Variants in LTBP1 observed in about 807,000 individuals in gnomAD.
LTBP1 encodes latent transforming growth factor beta binding protein 1, also known as latent-transforming growth factor beta-binding protein 1.
Under a neutral mutation model 207.6 loss-of-function variants are expected in LTBP1, and 129 were observed. That is an observed-to-expected ratio of 0.62 (90% CI 0.54 to 0.72). The LOEUF (loss-of-function observed/expected upper bound fraction) is 0.72, where lower values mean the gene tolerates loss of function less well. Ranked by LOEUF, LTBP1 falls within the 30% of genes least tolerant of loss-of-function variation. LTBP1 has a pLI of 0.00. For missense variants in LTBP1, 2,281 were observed against 2,217.2 expected, an observed-to-expected ratio of 1.03 and a Z score of -0.58; for synonymous variants, 963 against 833.7, an observed-to-expected ratio of 1.16 and a Z score of -2.67.
chr2:33,260,800 T>C (rs945813469), intron 13 of LTBP1, among the ~76,000 whole-genome samples: 1 of 152,210 alleles, frequency 6.6e-6, no homozygotes, highest in African/African-American at 2.4e-5. Flanking sequence ...ATTATTTAGC[T>C]TGTAGGTGGG....
chr2:33,225,160 T>C (rs1387577987), intron 9 of LTBP1, among the ~76,000 whole-genome samples: 1 of 152,164 alleles, frequency 6.6e-6, no homozygotes, highest in Non-Finnish European at 1.5e-5. Context: ...TTGTACATAT[T>C]TATGGGGTAT....
Position 33,088,357 on chromosome 2 carries a change from C to G in LTBP1, c.864-22225C>G, listed in dbSNP as rs559496892. On this transcript the variant is annotated intron_variant, in intron 3 of 33. Transcript: ENST00000404816. The stretch of plus-strand genomic sequence containing the variant: ...ATCCCAGCTACTCTGGAGGCTGAGG[C>G]AGGAGAATCACTTGAACCCGGGAGG... Among the ~76,000 whole-genome samples the G allele has an allele frequency of 2.6e-5, 4 of 152,150 alleles. No individual in the cohort carries two copies. The East Asian group carries it at 7.7e-4, about 29-fold the overall frequency.
In LTBP1 at chr2:33,131,738, T is replaced by C. The variant is rs189356709; in HGVS notation, c.1034-3055T>C. ...TTTTATTTTTATATGAAATAAAATATAGCTTCTGCTTCCAAGAAGATGTGA... is the reference window on the plus strand; with the variant it reads ...TTTTATTTTTATATGAAATAAAATACAGCTTCTGCTTCCAAGAAGATGTGA... On this transcript the variant is annotated intron_variant, in intron 4 of 33. Transcript: ENST00000404816. 3.5e-3 allele frequency among the ~76,000 whole-genome samples: 526 copies of C among 152,362 alleles called. 3 individuals carry two copies. The highest frequency in any genetic ancestry group is 0.012 in the African/African-American group (491 of 41,590).
chr2:33,068,187 A>T lies in LTBP1; in HGVS notation c.864-42395A>T, dbSNP rs578214178. On this transcript the variant is annotated intron_variant, in intron 3 of 33. Coordinates refer to ENST00000404816, the MANE Select transcript of LTBP1 (RefSeq NM_206943.4). ...TGTGGGGTGGGGGGAGGGTGTAAAC[A>T]TATGTTTTTATTTCTCTTGAATAAA... 5.1e-4 allele frequency among the ~76,000 whole-genome samples: 76 copies of T among 150,344 alleles called. 1 individual carries two copies. Among genetic ancestry groups the T allele is most frequent in the Admixed American group, 1.4e-3 (21 of 15,130 alleles).
intron 2 of LTBP1, among the ~76,000 whole-genome samples, chr2:32,977,839 A>G (rs930714753): frequency 2.6e-5 from 4 of 152,118 alleles, no homozygotes; most frequent in Non-Finnish European, 5.9e-5. Context: ...GAGTAGTTTC[A>G]TGGATGATCA....
At chr2:32,988,857 C>T (rs1683988989) in intron 2 of LTBP1, among the ~76,000 whole-genome samples, 1 of 152,150 alleles carries the variant, frequency 6.6e-6, no homozygotes, top group African/African-American at 2.4e-5. Flanking sequence ...TAAGAATAAA[C>T]AAAATGGCAC....
chr2:32,965,487 C>T (rs1679821913), intron 2 of LTBP1, among the ~76,000 whole-genome samples: 1 of 152,212 alleles, frequency 6.6e-6, no homozygotes, highest in East Asian at 1.9e-4. Flanking sequence ...CTCATCCCTC[C>T]TTCCTGTCTA....
At chr2:32,982,812 C>T (rs1411630165) in intron 2 of LTBP1, among the ~76,000 whole-genome samples, 1 of 152,196 alleles carries the variant, frequency 6.6e-6, no homozygotes, top group African/African-American at 2.4e-5. Context: ...GAACCTCCGC[C>T]TAGATTTCAA....
chr2:33,242,949 G>T lies in LTBP1; in HGVS notation c.1877-713G>T, dbSNP rs531257232. Among the ~76,000 whole-genome samples, 120 of 152,228 alleles carry T rather than the reference G, an allele frequency of 7.9e-4. 2 individuals carry two copies. The highest frequency in any genetic ancestry group is 2.6e-3 in the African/African-American group (107 of 41,492). The stretch of plus-strand genomic sequence containing the variant: ...TCCAAATGCAGCCTGAATTGTACCA[G>T]CTCTGTTTCCAACTATTTACCTTCC... On this transcript the variant is annotated intron_variant, in intron 9 of 33. Transcript: ENST00000404816.
chr2:32,947,847 G>A (rs1676451706), intron 1 of LTBP1, 29 bp downstream of exon 1: 18 of 1,277,600 alleles, frequency 1.4e-5, no homozygotes, highest in Admixed American at 4.0e-5. Flanking sequence ...CCGCCCGCCC[G>A]CCCGCCTCGC....
intron 3 of LTBP1, among the ~76,000 whole-genome samples, chr2:33,083,722 T>C (rs533282190): frequency 6.6e-6 from 1 of 152,338 alleles, no homozygotes; most frequent in East Asian, 1.9e-4. Context: ...CTCTTACTTA[T>C]ATGTTACCTT....
chr2:33,263,249 A>T (rs772055341), intron 14 of LTBP1, 45 bp from the exon 15 acceptor site: 1 of 1,157,242 alleles, frequency 8.6e-7, no homozygotes, highest in Admixed American at 1.7e-5. Flanking sequence ...CTCAATGCAC[A>T]TAACGGGCTT....
chr2:33,217,401 T>G (rs2149367158), intron 7 of LTBP1, 151 bp from the exon 8 acceptor site: 1 of 502,306 alleles, frequency 2.0e-6, no homozygotes, highest in Non-Finnish European at 3.6e-6. Flanking sequence ...TGTCCAGGTA[T>G]TTTCTTTCCA....
intron 2 of LTBP1, among the ~76,000 whole-genome samples, chr2:32,986,741 C>T (rs369638119): frequency 1.1e-3 from 173 of 152,258 alleles, no homozygotes; most frequent in African/African-American, 2.8e-3. Flanking sequence ...TGGTGATCTC[C>T]GTTTGTCTTC....
At chr2:33,051,746 G>T (rs988256861) in intron 3 of LTBP1, among the ~76,000 whole-genome samples, 1 of 152,058 alleles carries the variant, frequency 6.6e-6, no homozygotes, top group Non-Finnish European at 1.5e-5. Flanking sequence ...TTGTGGAGAG[G>T]GCCCTGAGAT....
intron 3 of LTBP1, among the ~76,000 whole-genome samples, chr2:33,058,458 C>T (rs888996859): frequency 2.0e-5 from 3 of 152,192 alleles, no homozygotes; most frequent in Admixed American, 1.3e-4. Context: ...AACGTCTAAA[C>T]GTAGTACCTT....
Position 33,217,108 on chromosome 2 carries a change from G to C in LTBP1, c.1702-444G>C, listed in dbSNP as rs1200824617. Among the ~76,000 whole-genome samples the C allele has an allele frequency of 2.4e-4, 36 of 152,132 alleles. 1 individual carries two copies. The highest frequency in any genetic ancestry group is 2.1e-3 in the Admixed American group (32 of 15,272). On this transcript the variant is annotated intron_variant, in intron 7 of 33. Transcript: ENST00000404816. ...TAGGAAGACCAGAAGCCTCCTGTAGGTGGGACCTGTGCCATCTTCTCACAT... is the reference window on the plus strand; with the variant it reads ...TAGGAAGACCAGAAGCCTCCTGTAGCTGGGACCTGTGCCATCTTCTCACAT...
rs1446959051 is a variant in LTBP1, at chr2:33,081,866, C to T, written c.864-28716C>T. Among the ~76,000 whole-genome samples the T allele has an allele frequency of 2.6e-5, 4 of 152,110 alleles. No homozygotes were observed. The East Asian group carries it at 5.8e-4, about 22-fold the overall frequency. ...ATAAAGGGCTTTTCCCCTCTGTGCT[C>T]GGTACTTCTCTTCCTGCTGCCATGT... On this transcript the variant is annotated intron_variant, in intron 3 of 33. Transcript: ENST00000404816.
At chr2:33,216,369 C>A (rs1045405220) in intron 7 of LTBP1, among the ~76,000 whole-genome samples, 5 of 152,238 alleles carry the variant, frequency 3.3e-5, no homozygotes, top group Admixed American at 6.5e-5. Context: ...GCCAGACATG[C>A]TCCTTTTGGA....
Sources: gnomAD v4.1 joint callset for allele counts (sites outside exome capture counted in the v4.1 genomes callset) on GRCh38, gnomAD v4.1.1 for gene constraint, MANE v1.5 for transcripts, NCBI Gene and HGNC (gene_info 2026-07-23, HGNC 2026-07-21) for gene names.